The following OXR1 variants were observed in gnomAD, a reference collection of about 807,000 sequenced individuals.
OXR1 encodes the protein oxidation resistance protein 1.
A neutral mutation model predicts 104.6 loss-of-function variants in OXR1; 41 were observed. The observed-to-expected ratio is 0.39, with a 90% CI of 0.31 to 0.51. OXR1 has a LOEUF of 0.51. Ranked by LOEUF, OXR1 falls within the 20% of genes least tolerant of loss-of-function variation. The pLI, the probability that OXR1 is intolerant of heterozygous loss-of-function variation, is 0.77. For missense variants in OXR1, 955 were observed against 1,031.9 expected (o/e 0.93, Z 1.02); for synonymous variants, 348 against 348.4 (o/e 1.00, Z 0.01).
rs1297836818 is a variant in OXR1 at position 106,544,258 on chromosome 8, C to T, written c.220+25119C>T. On this transcript the variant is annotated intron_variant, in intron 3 of 16. Coordinates refer to ENST00000517566, the MANE Select transcript of OXR1 (RefSeq NM_001198533.2). ...ATGGTGTTCTTGTCAAGGCATAAAT[C>T]CAAAGGGAGGCAGATGTGCAACACA... Among the ~76,000 whole-genome samples, 4 of 145,144 alleles carry T rather than the reference C, an allele frequency of 2.8e-5. No individual in the cohort carries two copies. The East Asian group carries it at 8.2e-4, about 30-fold the overall frequency.
intron 2 of OXR1, among the ~76,000 whole-genome samples, chr8:106,413,624 G>C (rs887965641): frequency 6.6e-6 from 1 of 151,916 alleles, no homozygotes; most frequent in Non-Finnish European, 1.5e-5. Context: ...TTAATTGTAC[G>C]CTTTCTAGTC....
At chr8:106,386,408 T>C (rs1478911996) in intron 2 of OXR1, among the ~76,000 whole-genome samples, 4 of 152,306 alleles carry the variant, frequency 2.6e-5, no homozygotes, top group Middle Eastern at 6.8e-3. Flanking sequence ...AGTTTTTCTA[T>C]AGAAATTATC....
Position 106,518,935 on chromosome 8 carries a change from AC to A in OXR1, c.24-7del, listed in dbSNP as rs1813062303. 2 of 1,541,668 alleles carry A rather than the reference AC, an allele frequency of 1.3e-6. No individual in the cohort carries two copies. The highest frequency in any genetic ancestry group is 1.8e-6 in the Non-Finnish European group (2 of 1,140,360). On this transcript the variant is annotated splice_region_variant and splice_polypyrimidine_tract_variant and intron_variant, in intron 2 of 16. Transcript: ENST00000517566. ...GGATTCATAGCATGTGGTCTTCTTT[AC>A]TTGTAGGCTGAAGAAAAAGTCCCAG...
At chr8:106,606,879 A>G (rs1820442568) in intron 3 of OXR1, among the ~76,000 whole-genome samples, 1 of 152,148 alleles carries the variant, frequency 6.6e-6, no homozygotes, top group African/African-American at 2.4e-5. Flanking sequence ...AACACCAGGA[A>G]TGGTAGTTTT....
At chr8:106,273,028 T>C (rs1811880547) in intron 1 of OXR1, 1 of 152,048 alleles carries the variant, frequency 6.6e-6, no homozygotes, top group South Asian at 2.1e-4. Flanking sequence ...AAAGGCTTCA[T>C]TATAGAATGC....
intron 9 of OXR1, among the ~76,000 whole-genome samples, chr8:106,708,508 C>T (rs1831371659): frequency 1.3e-5 from 2 of 152,178 alleles, no homozygotes; most frequent in African/African-American, 4.8e-5. Context: ...CTAGATACTT[C>T]ATGTGAGTGG....
intron 1 of OXR1, among the ~76,000 whole-genome samples, chr8:106,278,717 G>A (rs1812161518): frequency 6.6e-6 from 1 of 152,158 alleles, no homozygotes; most frequent in Non-Finnish European, 1.5e-5. Flanking sequence ...TTAAGCAGAA[G>A]AATGTTAACA....
intron 2 of OXR1, among the ~76,000 whole-genome samples, chr8:106,393,474 T>G (rs1817660474): frequency 6.6e-6 from 1 of 152,176 alleles, no homozygotes; most frequent in South Asian, 2.1e-4. Flanking sequence ...TGTGATCTAT[T>G]TTTAACAGTC....
chr8:106,390,306 A>T (rs1387531309), intron 2 of OXR1, among the ~76,000 whole-genome samples: 1 of 152,146 alleles, frequency 6.6e-6, no homozygotes, highest in African/African-American at 2.4e-5. Context: ...ACCTTAATGG[A>T]CAAAAAACAT....
At chr8:106,391,602 A>T (rs756534046) in intron 2 of OXR1, among the ~76,000 whole-genome samples, 1 of 152,330 alleles carries the variant, frequency 6.6e-6, no homozygotes, top group East Asian at 1.9e-4. Flanking sequence ...ATATACCACA[A>T]CAAATGTTTT....
rs35921475 is a variant in OXR1 at position 106,341,874 on chromosome 8, A to AT, written c.-138-17590dup. On this transcript the variant is annotated intron_variant, in intron 1 of 16. Transcript: ENST00000517566. The stretch of plus-strand genomic sequence containing the variant: ...CCTTCCATCTATATCCCCCACCTCT[A>AT]TTTTTTTTTTTTCTTTTTAGGTAAA... 1.2e-3 allele frequency among the ~76,000 whole-genome samples: 164 copies of AT among 141,294 alleles called. 1 individual carries two copies. The highest frequency in any genetic ancestry group is 3.7e-3 in the Middle Eastern group (1 of 272). The allele number at this position is 141,294 out of a possible 152,430, so 92.7% of individuals were successfully genotyped here.
At chr8:106,369,228 C>A (rs1011412232) in intron 2 of OXR1, among the ~76,000 whole-genome samples, 6 of 152,188 alleles carry the variant, frequency 3.9e-5, no homozygotes, top group African/African-American at 1.4e-4. Context: ...ATTCTTTGCC[C>A]ACTTTTTGAT....
chr8:106,703,413 C>A (rs1165909108), intron 8 of OXR1, among the ~76,000 whole-genome samples: 1 of 152,096 alleles, frequency 6.6e-6, no homozygotes, highest in East Asian at 1.9e-4. Flanking sequence ...TGTGAGCAAT[C>A]ACTGTTGGGA....
At chr8:106,333,046 A>G (rs1364696225) in intron 1 of OXR1, among the ~76,000 whole-genome samples, 1 of 152,150 alleles carries the variant, frequency 6.6e-6, no homozygotes, top group East Asian at 1.9e-4. Flanking sequence ...CCATTTATCA[A>G]TTGATAAACT....
intron 2 of OXR1, among the ~76,000 whole-genome samples, chr8:106,480,548 G>T (rs556877423): frequency 6.6e-6 from 1 of 152,058 alleles, no homozygotes; most frequent in African/African-American, 2.4e-5. Context: ...CCACTTGAGT[G>T]ATAGCTTTGC....
At chr8:106,623,041 C>T (rs1007178832) in intron 3 of OXR1, among the ~76,000 whole-genome samples, 5 of 152,130 alleles carry the variant, frequency 3.3e-5, no homozygotes, top group Non-Finnish European at 5.9e-5. Context: ...GCTAAGCAAG[C>T]GTCAGAGCTA....
intron 3 of OXR1, among the ~76,000 whole-genome samples, chr8:106,570,782 C>T (rs1388415376): frequency 1.3e-5 from 2 of 152,150 alleles, no homozygotes; most frequent in South Asian, 2.1e-4. Context: ...ATCTAAATAG[C>T]CAACATTCTA....
At chr8:106,321,941 T>C (rs1302745753) in intron 1 of OXR1, among the ~76,000 whole-genome samples, 1 of 152,148 alleles carries the variant, frequency 6.6e-6, no homozygotes, top group Non-Finnish European at 1.5e-5. Context: ...TCTTCATTAC[T>C]CAATTAAATA....
chr8:106,614,980 G>T (rs936807490), intron 3 of OXR1, among the ~76,000 whole-genome samples: 4 of 152,112 alleles, frequency 2.6e-5, no homozygotes, highest in African/African-American at 9.7e-5. Flanking sequence ...TTTGTTTGGG[G>T]TGCTGCTTCT....
Sources: gnomAD v4.1 joint callset for allele counts (sites outside exome capture counted in the v4.1 genomes callset) on GRCh38, gnomAD v4.1.1 for gene constraint, MANE v1.5 for transcripts, NCBI Gene and HGNC (gene_info 2026-07-23, HGNC 2026-07-21) for gene names.